Variants in MAVS observed in about 807,000 individuals in gnomAD.
The protein encoded by MAVS is mitochondrial antiviral signaling protein.
Under a neutral mutation model 30.2 loss-of-function variants are expected in MAVS, and 20 were observed. The ratio of observed to expected loss-of-function variants is 0.66; its 90% CI spans 0.47 to 0.96. The LOEUF (loss-of-function observed/expected upper bound fraction) is 0.96. MAVS is among the 40% of genes least tolerant of loss of function. MAVS has a pLI of 0.00. For synonymous variants in MAVS, 278 were observed against 293.9 expected (o/e 0.95, Z 0.55); for missense variants, 624 against 701.1 (o/e 0.89, Z 1.24).
intron 2 of MAVS, 71 bp from the exon 3 acceptor site, chr20:3,857,558 CGCTGTG>C (rs1387323956): frequency 7.2e-6 from 11 of 1,523,602 alleles, no homozygotes; most frequent in Non-Finnish European, 9.8e-6. Flanking sequence ...CCCCTCCCCC[CGCTGTG>C]GCTTCATTCT....
chr20:3,856,703 C>G (rs2089813767), intron 2 of MAVS, among the ~76,000 whole-genome samples: 1 of 151,854 alleles, frequency 6.6e-6, no homozygotes, highest in Non-Finnish European at 1.5e-5. Flanking sequence ...TTTCTGCTGT[C>G]TGGTTGCTTG....
chr20:3,856,387 G>A (rs1202890382), intron 2 of MAVS, among the ~76,000 whole-genome samples: 1 of 118,540 alleles, frequency 8.4e-6, no homozygotes. Flanking sequence ...ATGGAGTCTC[G>A]CTGTGTCTTC....
Position 3,854,603 on chromosome 20 carries a change from T to C in MAVS, c.-22T>C. The C allele has an allele frequency of 6.4e-7, 1 of 1,569,694 alleles. No homozygotes were observed. The highest frequency in any genetic ancestry group is 8.8e-7 in the Non-Finnish European group (1 of 1,141,712). On this transcript the variant is annotated 5_prime_UTR_variant, in exon 2 of 7. Transcript: ENST00000428216. The stretch of plus-strand genomic sequence containing the variant: ...TCCACCCTTCATGGGGCCAGAGCCC[T>C]CTCTCCAGAATCTGAGCAGCAATGC...
chr20:3,860,726 G>T (rs2089859555), intron 3 of MAVS, among the ~76,000 whole-genome samples: 1 of 151,622 alleles, frequency 6.6e-6, no homozygotes, highest in South Asian at 2.1e-4. Flanking sequence ...GCCCAGGCTG[G>T]AGTGCAGTGG....
rs1287456047 is a variant in MAVS at position 3,865,279 on chromosome 20, A to G, written c.1159-404A>G. ...CATTGTTGCCTGCTCCAAGCCTCAC[A>G]TCTAACCCTAGCTGCGGCTGTCTGC... On this transcript the variant is annotated intron_variant, in intron 6 of 6. Coordinates refer to ENST00000428216, the MANE Select transcript of MAVS (RefSeq NM_020746.5). This position sits in a 1 kb window ranked among gnomAD's most constrained non-coding sequence, Gnocchi z 4.7. Among the ~76,000 whole-genome samples the G allele has an allele frequency of 6.6e-6, 1 of 152,076 alleles. No homozygotes were observed. The highest frequency in any genetic ancestry group is 2.4e-5 in the African/African-American group (1 of 41,428).
rs2089976552 is a variant in MAVS, at chr20:3,874,447, T to C, written c.*8300T>C. ...AAGTTTGCAAAGGAGTCAGCCATGATTGCTTGTATTTGGCAGGGGTCAAAG... is the reference window on the plus strand; with the variant it reads ...AAGTTTGCAAAGGAGTCAGCCATGACTGCTTGTATTTGGCAGGGGTCAAAG... On this transcript the variant is annotated 3_prime_UTR_variant, in exon 7 of 7. Transcript: ENST00000428216. 2.6e-6 allele frequency: 1 copy of C among 383,968 alleles called. No individual in the cohort carries two copies. The highest frequency in any genetic ancestry group is 4.6e-6 in the Non-Finnish European group (1 of 216,910). 23.8% of individuals were successfully genotyped at this position (383,968 alleles called of 1,614,324 possible). A position where few individuals can be genotyped will look rare whatever the true frequency, so the allele number is the denominator to read the frequency against.
intron 3 of MAVS, among the ~76,000 whole-genome samples, chr20:3,860,663 C>CCG (rs2089858873): frequency 6.6e-6 from 1 of 151,554 alleles, no homozygotes. Flanking sequence ...GCGTGAGCCA[C>CCG]CACGTCTGGC....
rs2089903622 is a variant in MAVS at position 3,865,907 on chromosome 20, G to A, written c.1383G>A (p.Lys461=). 6.2e-7 allele frequency: 1 copy of A among 1,614,000 alleles called. No individual in the cohort carries two copies. Among genetic ancestry groups the A allele is most frequent in the South Asian group, 1.1e-5 (1 of 91,088 alleles). ...ATGGCCCAGAGGAGAATGAGTATAAGTCCGAGGGCACCTTTGGGATCCACG... is the reference window on the plus strand; with the variant it reads ...ATGGCCCAGAGGAGAATGAGTATAAATCCGAGGGCACCTTTGGGATCCACG... ...PCHGPEENEY[K]SEGTFGIHVA... is the part of the protein sequence containing the mutation. Residue 461 remains lysine, a synonymous_variant, in exon 7 of 7, where the codon AAG becomes AAA. Transcript: ENST00000428216. The surrounding 1 kb of genome is among the most constrained non-coding windows in gnomAD (Gnocchi z 4.7).
chr20:3,870,306 A>G lies in MAVS; in HGVS notation c.*4159A>G, dbSNP rs893884133. On this transcript the variant is annotated 3_prime_UTR_variant, in exon 7 of 7. Coordinates refer to ENST00000428216, the MANE Select transcript of MAVS (RefSeq NM_020746.5). ...CTTAGGGGCAGAGCCACCTGCAGCA[A>G]TGGTATCTGCATATTAGCCCCTCTC... 6.6e-6 allele frequency: 1 copy of G among 152,310 alleles called. No homozygotes were observed. The highest frequency in any genetic ancestry group is 2.4e-5 in the African/African-American group (1 of 41,424). The allele number at this position is 152,310 out of a possible 1,614,324, so 9.4% of individuals were successfully genotyped here. A position where few individuals can be genotyped will look rare whatever the true frequency, so the allele number is the denominator to read the frequency against.
In MAVS at chr20:3,866,269, G is replaced by A; in HGVS notation, c.*122G>A. On this transcript the variant is annotated 3_prime_UTR_variant, in exon 7 of 7. Coordinates refer to ENST00000428216, the MANE Select transcript of MAVS (RefSeq NM_020746.5). Reference sequence around the variant, plus strand: ...AGGCTGGGTCAGAGGGGAGTTAAGGGACTGCAGGCCTGGCAGCAGGACATG... The same window carrying A: ...AGGCTGGGTCAGAGGGGAGTTAAGGAACTGCAGGCCTGGCAGCAGGACATG... 1 of 947,450 alleles carries A rather than the reference G, an allele frequency of 1.1e-6. No individual in the cohort carries two copies. The allele number at this position is 947,450 out of a possible 1,614,324, so 58.7% of individuals were successfully genotyped here. A position where few individuals can be genotyped will look rare whatever the true frequency, so the allele number is the denominator to read the frequency against.
Position 3,854,600 on chromosome 20 carries a change from C to T in MAVS, c.-25C>T, listed in dbSNP as rs951224725. ...CCATCCACCCTTCATGGGGCCAGAG[C>T]CCTCTCTCCAGAATCTGAGCAGCAA... On this transcript the variant is annotated 5_prime_UTR_variant, in exon 2 of 7. Coordinates refer to ENST00000428216, the MANE Select transcript of MAVS (RefSeq NM_020746.5). The T allele has an allele frequency of 3.2e-6, 5 of 1,545,878 alleles. No individual in the cohort carries two copies. Among genetic ancestry groups the T allele is most frequent in the South Asian group, 2.3e-5 (2 of 88,730 alleles).
Position 3,872,138 on chromosome 20 carries a change from C to T in MAVS, c.*5991C>T, listed in dbSNP as rs1351385293. The T allele has an allele frequency of 2.0e-5, 3 of 152,214 alleles. No individual in the cohort carries two copies. Among genetic ancestry groups the T allele is most frequent in the African/African-American group, 2.4e-5 (1 of 41,386 alleles). 9.4% of individuals were successfully genotyped at this position (152,214 alleles called of 1,614,324 possible). On this transcript the variant is annotated 3_prime_UTR_variant, in exon 7 of 7. Transcript: ENST00000428216. The stretch of plus-strand genomic sequence containing the variant: ...TTATCACATGTCTGGAGTTAGGGAC[C>T]CCACTTAAAGTGAGATTTTGGCTGG...
intron 3 of MAVS, chr20:3,858,084 G>A (rs748946865): frequency 1.2e-5 from 6 of 503,024 alleles, no homozygotes; most frequent in Middle Eastern, 3.7e-4. Context: ...GTGATACTGC[G>A]GGACGATGCG....
rs368658432 is a variant in MAVS at position 3,864,650 on chromosome 20, G to T, written c.1020G>T (p.Ala340=). 8.1e-6 allele frequency: 13 copies of T among 1,614,040 alleles called. No individual in the cohort carries two copies. The highest frequency in any genetic ancestry group is 1.1e-5 in the Non-Finnish European group (13 of 1,180,038). ...SKPPGAVPSN[A]LTNPAPSKLP... is the part of the protein sequence containing the mutation. ...CCCCTGGTGCAGTGCCTTCTAATGC[G>T]CTCACCAATCCAGCACCATCCAAAT... The change falls in exon 6 of 7, where the codon GCG becomes GCT. Residue 340 remains alanine (A), a synonymous_variant. Coordinates refer to ENST00000428216, the MANE Select transcript of MAVS (RefSeq NM_020746.5).
At chr20:3,855,440 T>C (rs556933125) in intron 2 of MAVS, among the ~76,000 whole-genome samples, 1 of 152,292 alleles carries the variant, frequency 6.6e-6, no homozygotes, top group South Asian at 2.1e-4. Flanking sequence ...GAGCTGGGAC[T>C]CAGGTTTGAG....
In MAVS at chr20:3,869,596, C is replaced by T. The variant is rs1313458098; in HGVS notation, c.*3449C>T. 1 of 151,658 alleles carries T rather than the reference C, an allele frequency of 6.6e-6. No individual in the cohort carries two copies. Among genetic ancestry groups the T allele is most frequent in the African/African-American group, 2.4e-5 (1 of 41,266 alleles). The allele number at this position is 151,658 out of a possible 1,614,324, so 9.4% of individuals were successfully genotyped here. On this transcript the variant is annotated 3_prime_UTR_variant, in exon 7 of 7. Transcript: ENST00000428216. The stretch of plus-strand genomic sequence containing the variant: ...TGTGAGACACTGCACCCAAACCCCA[C>T]CACTTTTTTTTTTCCTTTTTCTTTT...
Position 3,861,442 on chromosome 20 carries a change from GAGA to G in MAVS, c.406_408del (p.Lys136del). 1 of 1,614,134 alleles carries G rather than the reference GAGA, an allele frequency of 6.2e-7. No individual in the cohort carries two copies. The highest frequency in any genetic ancestry group is 1.6e-4 in the Middle Eastern group (1 of 6,062). ...CAGCATCCCCTACAACAGCTGCAGA[GAGA>G]AGGAGCCAAGTTACCCCATGCCTGT... On this transcript the variant is annotated inframe_deletion, in exon 4 of 7. Transcript: ENST00000428216.
At chr20:3,848,130 C>T (rs2089723971) in intron 1 of MAVS, among the ~76,000 whole-genome samples, 1 of 151,650 alleles carries the variant, frequency 6.6e-6, no homozygotes, top group African/African-American at 2.4e-5. Flanking sequence ...AATGGAGTCT[C>T]ACTCTCTTGC....
chr20:3,864,150 C>T (rs2089886528), intron 5 of MAVS, 106 bp from the exon 6 acceptor site: 1 of 1,280,448 alleles, frequency 7.8e-7, no homozygotes, highest in Non-Finnish European at 1.1e-6. Flanking sequence ...ATTTGGAGGC[C>T]TAGACACAGT....
Sources: allele counts gnomAD v4.1 joint callset (sites outside exome capture counted in the v4.1 genomes callset), GRCh38; gene constraint gnomAD v4.1.1; non-coding constraint Gnocchi (gnomAD v3.1); transcripts MANE v1.5; gene names NCBI Gene and HGNC (gene_info 2026-07-23, HGNC 2026-07-21).